Variants in GLI3 observed in about 807,000 individuals in gnomAD.
GLI3 encodes the protein transcription activator GLI3.
Under a neutral mutation model 100.8 loss-of-function variants are expected in GLI3, and 20 were observed. The observed-to-expected ratio is 0.20, with a 90% CI of 0.14 to 0.29. GLI3 has a LOEUF of 0.29. GLI3 is among the 10% of genes least tolerant of loss of function. The pLI is 1.00. For missense variants in GLI3, 2,040 were observed against 2,128.5 expected (o/e 0.96, Z 0.82); for synonymous variants, 938 against 860.5 (o/e 1.09, Z -1.58).
intron 2 of GLI3, among the ~76,000 whole-genome samples, chr7:42,196,061 A>C (rs1787923046): frequency 6.6e-6 from 1 of 152,200 alleles, no homozygotes; most frequent in Admixed American, 6.5e-5. Flanking sequence ...GAAAAGCAAA[A>C]ACAGCCTCCC....
intron 3 of GLI3, among the ~76,000 whole-genome samples, chr7:42,127,011 G>A (rs1199534083): frequency 1.3e-5 from 2 of 152,144 alleles, no homozygotes; most frequent in African/African-American, 2.4e-5. Context: ...TCCCACACTC[G>A]ATATGGCCTC....
intron 10 of GLI3, among the ~76,000 whole-genome samples, chr7:41,984,919 C>T (rs550401657): frequency 1.3e-5 from 2 of 152,374 alleles, no homozygotes; most frequent in African/African-American, 4.8e-5. Context: ...TACATATGAT[C>T]TCTCTCACAT....
intron 2 of GLI3, among the ~76,000 whole-genome samples, chr7:42,191,278 T>C (rs868430535): frequency 6.6e-6 from 1 of 152,126 alleles, no homozygotes; most frequent in South Asian, 2.1e-4. Context: ...CAGAAATCCA[T>C]AGCTTTTCTG....
At chr7:42,174,747 CAGAG>C (rs1271692541) in intron 2 of GLI3, among the ~76,000 whole-genome samples, 1 of 152,200 alleles carries the variant, frequency 6.6e-6, no homozygotes, top group African/African-American at 2.4e-5. Flanking sequence ...CAGGGCCGCA[CAGAG>C]GGTGACGGCA....
At chr7:42,098,364 C>A (rs1785386805) in intron 3 of GLI3, among the ~76,000 whole-genome samples, 1 of 151,874 alleles carries the variant, frequency 6.6e-6, no homozygotes, top group Admixed American at 6.6e-5. Flanking sequence ...TCAGCCATTT[C>A]CAAAAAAAAA....
At chr7:42,246,803 A>ATTTTTTTTTTTTTTTTT (rs1198985258) in intron 1 of GLI3, among the ~76,000 whole-genome samples, 4 of 63,378 alleles carry the variant, frequency 6.3e-5, no homozygotes, top group South Asian at 4.9e-4. Context: ...GGATGATAGA[A>ATTTTTTTTTTTTTTTTT]TCTTTTTTTT....
rs1583596620 is a variant in GLI3, at chr7:42,145,491, G to A, written c.367+2735C>T. The stretch of plus-strand genomic sequence containing the variant: ...CTGAGGTTGACTGAGAAAAGATTAT[G>A]TTCAGAAGGCCACAGTGCACAGCTC... On this transcript the variant is annotated intron_variant, in intron 3 of 14. Coordinates refer to ENST00000395925, the MANE Select transcript of GLI3 (RefSeq NM_000168.6). 4 of 398,274 alleles carry A rather than the reference G, an allele frequency of 1.0e-5. No homozygotes were observed. The East Asian group carries it at 1.1e-4, about 11-fold the overall frequency. 24.7% of individuals were successfully genotyped at this position (398,274 alleles called of 1,614,324 possible).
At chr7:42,205,759 G>A (rs1486870923) in intron 2 of GLI3, among the ~76,000 whole-genome samples, 2 of 152,118 alleles carry the variant, frequency 1.3e-5, no homozygotes, top group Non-Finnish European at 2.9e-5. Flanking sequence ...TATTTCCTAC[G>A]TATTTTCTTA....
chr7:42,141,995 C>T (rs1477425470), intron 3 of GLI3, among the ~76,000 whole-genome samples: 1 of 152,074 alleles, frequency 6.6e-6, no homozygotes, highest in Non-Finnish European at 1.5e-5. Flanking sequence ...TTTTGGTGCC[C>T]ACAGAAAGTA....
At chr7:42,182,652 A>ATATATATATATATATATACATGTGTG (rs1787619631) in intron 2 of GLI3, among the ~76,000 whole-genome samples, 1 of 54,282 alleles carries the variant, frequency 1.8e-5, no homozygotes, top group African/African-American at 1.1e-4. Flanking sequence ...GTGTATATAT[A>ATATATATATATATATATACATGTGTG]TATATATATA....
chr7:42,235,924 C>A (rs1011426066), intron 1 of GLI3, among the ~76,000 whole-genome samples: 2 of 152,192 alleles, frequency 1.3e-5, no homozygotes, highest in Non-Finnish European at 2.9e-5. Flanking sequence ...AGAATCTACC[C>A]GGCAGTCTGC....
chr7:42,058,705 C>A (rs537622891), intron 4 of GLI3, among the ~76,000 whole-genome samples: 1 of 152,242 alleles, frequency 6.6e-6, no homozygotes, highest in East Asian at 1.9e-4. Context: ...AAGAGAGAAG[C>A]CAAACAAATA....
At chr7:42,245,193 T>C (rs1490883947) in intron 1 of GLI3, among the ~76,000 whole-genome samples, 1 of 152,116 alleles carries the variant, frequency 6.6e-6, no homozygotes, top group Non-Finnish European at 1.5e-5. Context: ...CCATCCACCT[T>C]GCTGTCAAGT....
intron 4 of GLI3, among the ~76,000 whole-genome samples, chr7:42,061,984 G>A (rs997508217): frequency 6.6e-6 from 1 of 152,138 alleles, no homozygotes; most frequent in African/African-American, 2.4e-5. Flanking sequence ...TCTTCAGAGA[G>A]AAAGCAAGTC....
intron 10 of GLI3, among the ~76,000 whole-genome samples, chr7:41,998,811 T>C (rs1788203865): frequency 6.6e-6 from 1 of 152,268 alleles, no homozygotes; most frequent in Non-Finnish European, 1.5e-5. Flanking sequence ...TATGCAAATC[T>C]ATGATGTAAA....
chr7:42,107,690 G>A (rs941375666), intron 3 of GLI3, among the ~76,000 whole-genome samples: 4 of 152,158 alleles, frequency 2.6e-5, no homozygotes, highest in African/African-American at 9.7e-5. Flanking sequence ...TTCCAGAGGA[G>A]GGAGGAACAG....
intron 1 of GLI3, among the ~76,000 whole-genome samples, 180 bp downstream of exon 1, chr7:42,236,791 G>C (rs1267790179): frequency 1.3e-5 from 2 of 152,194 alleles, no homozygotes; most frequent in Non-Finnish European, 2.9e-5. Flanking sequence ...AGGAGGGAGC[G>C]AATGCAAGCC....
chr7:42,054,397 G>T (rs1413803759), intron 4 of GLI3, among the ~76,000 whole-genome samples: 7 of 152,116 alleles, frequency 4.6e-5, no homozygotes, highest in Admixed American at 3.9e-4. Flanking sequence ...ATTAAACAAG[G>T]TTTACATGCC....
intron 3 of GLI3, among the ~76,000 whole-genome samples, chr7:42,097,998 C>T (rs747243390): frequency 6.6e-6 from 1 of 152,086 alleles, no homozygotes; most frequent in Non-Finnish European, 1.5e-5. Context: ...CTCCTCTTTG[C>T]GGATCAGATT....
Sources: gnomAD v4.1 joint callset for allele counts (sites outside exome capture counted in the v4.1 genomes callset) on GRCh38, gnomAD v4.1.1 for gene constraint, MANE v1.5 for transcripts, NCBI Gene and HGNC (gene_info 2026-07-23, HGNC 2026-07-21) for gene names.